Variants in NTM observed in about 807,000 individuals in gnomAD.
NTM encodes IgLON family member 2.
NTM carries 13 observed loss-of-function variants against 42.1 expected under a neutral mutation model. The observed-to-expected ratio is 0.31, with a 90% CI of 0.20 to 0.49. The LOEUF is 0.49. Among genes scored for constraint, NTM ranks in the 20% least tolerant of loss-of-function variants. The pLI is 0.99. For synonymous variants in NTM, 187 were observed against 179.2 expected, an observed-to-expected ratio of 1.04 and a Z score of -0.35; for missense variants, 373 against 452.8, an observed-to-expected ratio of 0.82 and a Z score of 1.60.
At chr11:132,247,763 T>C (rs762136192) in intron 4 of NTM, among the ~76,000 whole-genome samples, 1 of 152,138 alleles carries the variant, frequency 6.6e-6, no homozygotes, top group Non-Finnish European at 1.5e-5. Flanking sequence ...CCTTTCCTTT[T>C]GGATTTCCCT....
rs547935461 is a variant in NTM at position 132,239,588 on chromosome 11, T to TAATCTCAAG, written c.526+27445_526+27453dup. Among the ~76,000 whole-genome samples, 113 of 152,334 alleles carry TAATCTCAAG rather than the reference T, an allele frequency of 7.4e-4. No individual in the cohort carries two copies. The East Asian group carries it at 0.021, about 28-fold the overall frequency. Reference sequence around the variant, plus strand: ...AAAAAAGTCTTTGTGATTTAATATGTAATCTCAAGAATAGCAGAACTTGGC... The same window carrying TAATCTCAAG: ...AAAAAAGTCTTTGTGATTTAATATGTAATCTCAAGAATCTCAAGAATAGCAGAACTTGGC... On this transcript the variant is annotated intron_variant, in intron 4 of 8. Coordinates refer to ENST00000683400, the MANE Select transcript of NTM (RefSeq NM_001352005.2).
chr11:131,417,487 T>G, intron 1 of NTM, among the ~76,000 whole-genome samples: 1 of 152,186 alleles, frequency 6.6e-6, no homozygotes, highest in East Asian at 1.9e-4. Context: ...TGTGTAGCCC[T>G]ATAGGTATAG....
intron 1 of NTM, among the ~76,000 whole-genome samples, chr11:131,569,574 C>CTTT (rs371565373): frequency 3.7e-4 from 48 of 130,888 alleles, no homozygotes; most frequent in East Asian, 1.8e-3. Context: ...TTTCTTCTCT[C>CTTT]TTTTTTTTTT....
At chr11:131,718,864 G>A (rs2078015093) in intron 1 of NTM, among the ~76,000 whole-genome samples, 1 of 152,128 alleles carries the variant, frequency 6.6e-6, no homozygotes, top group African/African-American at 2.4e-5. Flanking sequence ...TGAATGCTGT[G>A]CTCCTCTCGT....
chr11:131,690,064 C>A lies in NTM; in HGVS notation c.83-221500C>A, dbSNP rs550859317. Among the ~76,000 whole-genome samples, 169 of 152,272 alleles carry A rather than the reference C, an allele frequency of 1.1e-3. 1 individual carries two copies. The highest frequency in any genetic ancestry group is 3.9e-3 in the African/African-American group (162 of 41,554). The stretch of plus-strand genomic sequence containing the variant: ...AATTCATGATGAGATCTCATGATCA[C>A]TCATGATGAGATCAGCACGTCTCTC... On this transcript the variant is annotated intron_variant, in intron 1 of 8. Transcript: ENST00000683400.
chr11:131,577,535 T>C (rs893612449), intron 1 of NTM, among the ~76,000 whole-genome samples: 3 of 152,254 alleles, frequency 2.0e-5, no homozygotes, highest in Admixed American at 6.5e-5. Context: ...AGTTTTCAAA[T>C]TGTATTTTGC....
intron 1 of NTM, among the ~76,000 whole-genome samples, chr11:131,644,101 T>C (rs2065471815): frequency 6.6e-6 from 1 of 152,158 alleles, no homozygotes; most frequent in Non-Finnish European, 1.5e-5. Flanking sequence ...TTCGGCTGAA[T>C]GTGCAGGAGG....
intron 1 of NTM, among the ~76,000 whole-genome samples, chr11:131,464,377 A>C (rs907492294): frequency 1.3e-5 from 2 of 151,808 alleles, no homozygotes; most frequent in Non-Finnish European, 2.9e-5. Context: ...GGGCAGCAAC[A>C]AGGGAAAGGG....
At chr11:132,281,681 C>G (rs2093975760) in intron 4 of NTM, among the ~76,000 whole-genome samples, 1 of 152,158 alleles carries the variant, frequency 6.6e-6, no homozygotes, top group Admixed American at 6.5e-5. Context: ...AAAGCATGAC[C>G]AGACAGTAAG....
intron 1 of NTM, among the ~76,000 whole-genome samples, chr11:131,812,507 T>C (rs1344894621): frequency 3.3e-5 from 5 of 151,860 alleles, no homozygotes; most frequent in African/African-American, 1.2e-4. Flanking sequence ...TCCTTTTTCC[T>C]TTCCTCCTCC....
At chr11:131,598,647 CA>C (rs768449933) in intron 1 of NTM, among the ~76,000 whole-genome samples, 1 of 152,116 alleles carries the variant, frequency 6.6e-6, no homozygotes, top group Non-Finnish European at 1.5e-5. Flanking sequence ...ACCAGCACTA[CA>C]GCAGCAAAGA....
At chr11:132,070,493 C>T (rs544363296) in intron 2 of NTM, among the ~76,000 whole-genome samples, 1 of 116,856 alleles carries the variant, frequency 8.6e-6, no homozygotes, top group South Asian at 3.3e-4. Flanking sequence ...TCAAACTGAC[C>T]GTCACAGGTT....
chr11:132,202,156 A>T (rs963504969), intron 3 of NTM, among the ~76,000 whole-genome samples: 11 of 152,134 alleles, frequency 7.2e-5, no homozygotes, highest in African/African-American at 2.7e-4. Flanking sequence ...ACACCTTATT[A>T]GAGAATCTGC....
chr11:131,580,048 C>A (rs1205487944), intron 1 of NTM, among the ~76,000 whole-genome samples: 1 of 152,110 alleles, frequency 6.6e-6, no homozygotes, highest in Non-Finnish European at 1.5e-5. Context: ...ACCCAGAGAG[C>A]CTGCAGGGAG....
intron 2 of NTM, among the ~76,000 whole-genome samples, chr11:132,054,443 A>G (rs903099838): frequency 6.6e-6 from 1 of 152,178 alleles, no homozygotes; most frequent in Non-Finnish European, 1.5e-5. Context: ...GTGGATTCTG[A>G]TTCGTAGTCC....
chr11:131,778,055 T>C (rs1252507421), intron 1 of NTM, among the ~76,000 whole-genome samples: 1 of 152,220 alleles, frequency 6.6e-6, no homozygotes, highest in Admixed American at 6.5e-5. Context: ...GATAAGACTG[T>C]CATTACATCA....
chr11:131,489,477 C>T (rs1406026647), intron 1 of NTM, among the ~76,000 whole-genome samples: 2 of 152,218 alleles, frequency 1.3e-5, no homozygotes, highest in Non-Finnish European at 2.9e-5. Flanking sequence ...CGCTACTTTG[C>T]GTGTGTAAAG....
At position 131,545,144 on chromosome 11, in the gene NTM, GA is replaced by G. The variant is rs543485348; in HGVS notation, c.82+174260del. Among the ~76,000 whole-genome samples the G allele has an allele frequency of 2.0e-5, 3 of 152,210 alleles. No individual in the cohort carries two copies. In the South Asian group the frequency reaches 6.2e-4, roughly 32 times the overall value. On this transcript the variant is annotated intron_variant, in intron 1 of 8. Transcript: ENST00000683400. ...ACCCATTCTCTGAGAGTTTAAGAATGAAAAGAATGTAAATAAACAGTGAAAA... is the reference window on the plus strand; with the variant it reads ...ACCCATTCTCTGAGAGTTTAAGAATGAAAGAATGTAAATAAACAGTGAAAA...
chr11:131,693,730 G>A (rs1370097359), intron 1 of NTM, among the ~76,000 whole-genome samples: 1 of 152,224 alleles, frequency 6.6e-6, no homozygotes, highest in African/African-American at 2.4e-5. Context: ...GCTGGGCATT[G>A]TGGCTGCAGA....
Sources: allele counts gnomAD v4.1 joint callset (sites outside exome capture counted in the v4.1 genomes callset), GRCh38; gene constraint gnomAD v4.1.1; transcripts MANE v1.5; gene names NCBI Gene and HGNC (gene_info 2026-07-23, HGNC 2026-07-21).